Variants in P4HA1 observed in about 807,000 individuals in gnomAD.
P4HA1 encodes the protein prolyl 4-hydroxylase subunit alpha 1.
Under a neutral mutation model 72.8 loss-of-function variants are expected in P4HA1, and 24 were observed. The observed-to-expected ratio is 0.33, with a 90% CI of 0.24 to 0.46. The LOEUF (loss-of-function observed/expected upper bound fraction) is 0.46. P4HA1 is among the 20% of genes least tolerant of loss of function. The probability of loss-of-function intolerance (pLI) is 1.00; values close to 1 mark genes in which losing one functional copy is unlikely to be tolerated. For synonymous variants in P4HA1, 201 were observed against 218.8 expected (o/e 0.92, Z 0.72); for missense variants, 446 against 640.6 (o/e 0.70, Z 3.28).
intron 9 of P4HA1, among the ~76,000 whole-genome samples, chr10:73,043,576 CAA>C (rs1432513369): frequency 5.3e-5 from 8 of 152,138 alleles, no homozygotes; most frequent in Non-Finnish European, 1.2e-4. Flanking sequence ...CTGCAGAGTC[CAA>C]AAGAGGCCTT....
intron 5 of P4HA1, among the ~76,000 whole-genome samples, chr10:73,058,817 C>A (rs1289815197): frequency 7.2e-6 from 1 of 139,382 alleles, no homozygotes; most frequent in Non-Finnish European, 1.5e-5. Context: ...CACTCTGTTG[C>A]CCAGGCTAAA....
chr10:73,020,424 C>CA (rs1333068027), intron 10 of P4HA1, among the ~76,000 whole-genome samples: 3 of 151,622 alleles, frequency 2.0e-5, no homozygotes, highest in East Asian at 3.9e-4. Context: ...AACAAAAAAA[C>CA]AAAAAAACAA....
chr10:73,037,278 C>T (rs1564624665), intron 9 of P4HA1, among the ~76,000 whole-genome samples: 1 of 142,534 alleles, frequency 7.0e-6, no homozygotes, highest in East Asian at 2.1e-4. Context: ...CATTTCTATG[C>T]TTTTTTCCTT....
At chr10:73,056,835 C>T (rs1164637270) in intron 5 of P4HA1, among the ~76,000 whole-genome samples, 1 of 151,594 alleles carries the variant, frequency 6.6e-6, no homozygotes, top group Non-Finnish European at 1.5e-5. Flanking sequence ...CTGAGGCAGG[C>T]GGATCATGAG....
chr10:73,059,082 C>T lies in P4HA1; in HGVS notation c.464-5492G>A, dbSNP rs568832159. Among the ~76,000 whole-genome samples the T allele has an allele frequency of 1.4e-4, 21 of 151,790 alleles. No individual in the cohort carries two copies. The East Asian group carries it at 2.5e-3, about 18-fold the overall frequency. ...TGTGAGCCACCACGCCCAGCCAGTA[C>T]GCTATCTTTTGTGTTTATGTTGAGA... On this transcript the variant is annotated intron_variant, in intron 5 of 14. Coordinates refer to ENST00000394890, the MANE Select transcript of P4HA1 (RefSeq NM_001017962.3).
chr10:73,018,191 T>C (rs761382609), intron 10 of P4HA1, among the ~76,000 whole-genome samples: 1 of 150,846 alleles, frequency 6.6e-6, no homozygotes, highest in Admixed American at 6.6e-5. Flanking sequence ...CCCAAGAAAA[T>C]AGTACTTTGG....
At chr10:73,027,502 A>G (rs1840306534) in intron 10 of P4HA1, among the ~76,000 whole-genome samples, 1 of 150,838 alleles carries the variant, frequency 6.6e-6, no homozygotes, top group Non-Finnish European at 1.5e-5. Context: ...AATGTAAATG[A>G]TGAGTTGATG....
At chr10:73,092,945 C>A (rs1193213439) in intron 1 of P4HA1, among the ~76,000 whole-genome samples, 1 of 151,554 alleles carries the variant, frequency 6.6e-6, no homozygotes, top group East Asian at 1.9e-4. Flanking sequence ...AGAGCAAGAT[C>A]CCATCTCTAC....
rs71021546 is a variant in P4HA1, at chr10:73,070,142, CTTTTTTTTT to C, written c.326-1168_326-1160del. ...TATTTTGAACAGCAAGAGACCAGGCCTTTTTTTTTTTTTTTTTTTTTTTTTTTTTTTTTG... is the reference window on the plus strand; with the variant it reads ...TATTTTGAACAGCAAGAGACCAGGCCTTTTTTTTTTTTTTTTTTTTTTTTG... On this transcript the variant is annotated intron_variant, in intron 4 of 14. Transcript: ENST00000394890. 3.8e-3 allele frequency among the ~76,000 whole-genome samples: 245 copies of C among 64,522 alleles called. 17 individuals are homozygous for C. The highest frequency in any genetic ancestry group is 0.014 in the African/African-American group (218 of 15,830). The allele number at this position is 64,522 out of a possible 152,430, so 42.3% of individuals were successfully genotyped here.
intron 6 of P4HA1, among the ~76,000 whole-genome samples, chr10:73,052,392 T>C (rs1230587559): frequency 6.6e-6 from 1 of 152,132 alleles, no homozygotes; most frequent in Non-Finnish European, 1.5e-5. Context: ...AAAGGAAAAG[T>C]GTGTGCAGGG....
rs201775756 is a variant in P4HA1, at chr10:73,095,083, T to C, written c.-33+1683A>G. Among the ~76,000 whole-genome samples the C allele has an allele frequency of 8.5e-5, 13 of 152,244 alleles. No homozygotes were observed. In the East Asian group the frequency reaches 2.1e-3, roughly 25 times the overall value. ...ATTTGTCATCAGCTATCAAAAACAA[T>C]GGCAGGACTTAAGGCACAATGTCCC... On this transcript the variant is annotated intron_variant, in intron 1 of 14. Coordinates refer to ENST00000394890, the MANE Select transcript of P4HA1 (RefSeq NM_001017962.3).
chr10:73,085,990 G>GT (rs1332436052), intron 1 of P4HA1, among the ~76,000 whole-genome samples: 2 of 152,150 alleles, frequency 1.3e-5, no homozygotes, highest in African/African-American at 4.8e-5. Context: ...GGGCAACATA[G>GT]TAAGACTTCA....
intron 10 of P4HA1, among the ~76,000 whole-genome samples, chr10:73,027,066 A>G (rs1024587154): frequency 6.6e-6 from 1 of 152,194 alleles, no homozygotes; most frequent in African/African-American, 2.4e-5. Context: ...CAGAAGTAGA[A>G]ATACCATTTG....
At chr10:73,029,782 A>T (rs1415978439) in intron 10 of P4HA1, among the ~76,000 whole-genome samples, 8 of 152,144 alleles carry the variant, frequency 5.3e-5, no homozygotes, top group Non-Finnish European at 1.0e-4. Context: ...AGTGAAGAAG[A>T]ATTATTTTGG....
chr10:73,029,641 AGTTTTT>A, intron 10 of P4HA1, among the ~76,000 whole-genome samples: 1 of 151,170 alleles, frequency 6.6e-6, no homozygotes, highest in African/African-American at 2.4e-5. Flanking sequence ...GCCTATGCTT[AGTTTTT>A]TTTTTTTACT....
intron 10 of P4HA1, among the ~76,000 whole-genome samples, chr10:73,024,511 A>G (rs987629460): frequency 2.6e-5 from 4 of 152,228 alleles, no homozygotes; most frequent in African/African-American, 9.6e-5. Flanking sequence ...GAAAATTTAT[A>G]GCACTAAATG....
chr10:73,067,725 C>A (rs1841460426), intron 5 of P4HA1, among the ~76,000 whole-genome samples: 1 of 152,156 alleles, frequency 6.6e-6, no homozygotes, highest in Non-Finnish European at 1.5e-5. Flanking sequence ...TCCATTAGAT[C>A]TCAATTTTTT....
intron 9 of P4HA1, 60 bp downstream of exon 9, chr10:73,044,921 C>A (rs564885582): frequency 5.2e-5 from 70 of 1,338,000 alleles, no homozygotes; most frequent in South Asian, 2.5e-4. Flanking sequence ...ATGAATAATT[C>A]CTGTAAGATG....
intron 5 of P4HA1, among the ~76,000 whole-genome samples, chr10:73,064,580 C>T (rs1686638055): frequency 6.6e-6 from 1 of 152,118 alleles, no homozygotes; most frequent in Admixed American, 6.6e-5. Context: ...GTGGCTCATG[C>T]CTTTAATTCC....
Sources: allele counts gnomAD v4.1 joint callset (sites outside exome capture counted in the v4.1 genomes callset), GRCh38; gene constraint gnomAD v4.1.1; transcripts MANE v1.5; gene names NCBI Gene and HGNC (gene_info 2026-07-23, HGNC 2026-07-21).